The following MCM9 variants were observed in gnomAD, a reference collection of about 807,000 sequenced individuals.
MCM9 encodes the protein minichromosome maintenance 9 homologous recombination repair factor.
A neutral mutation model predicts 72.8 loss-of-function variants in MCM9; 55 were observed. The observed-to-expected ratio is 0.76, with a 90% confidence interval of 0.61 to 0.95. The LOEUF is 0.95. Among genes scored for constraint, MCM9 ranks in the 40% least tolerant of loss-of-function variants. The pLI, the probability that MCM9 is intolerant of heterozygous loss-of-function variation, is 0.00. For synonymous variants in MCM9, 480 were observed against 503.4 expected, an observed-to-expected ratio of 0.95 and a Z score of 0.62; for missense variants, 1,279 against 1,377.0, an observed-to-expected ratio of 0.93 and a Z score of 1.13.
intron 8 of MCM9, among the ~76,000 whole-genome samples, chr6:118,897,081 C>G (rs1209061016): frequency 9.2e-5 from 14 of 152,140 alleles, no homozygotes. Context: ...TCAAGCAGTC[C>G]TCCCACCCCT....
At chr6:118,926,983 C>T (rs893683120) in intron 3 of MCM9, among the ~76,000 whole-genome samples, 2 of 151,746 alleles carry the variant, frequency 1.3e-5, no homozygotes, top group South Asian at 2.1e-4. Context: ...ATTACTTCTA[C>T]GAAGGAAGGT....
chr6:118,825,375 C>T (rs1441343316), intron 13 of MCM9, among the ~76,000 whole-genome samples: 3 of 152,168 alleles, frequency 2.0e-5, no homozygotes, highest in African/African-American at 7.2e-5. Flanking sequence ...GTTTCAAAAA[C>T]TAGAAAGAGA....
chr6:118,855,440 T>C (rs1021541845), intron 9 of MCM9, among the ~76,000 whole-genome samples: 1 of 152,200 alleles, frequency 6.6e-6, no homozygotes, highest in Non-Finnish European at 1.5e-5. Flanking sequence ...TGAGTATATA[T>C]ATTTAGTGAA....
chr6:118,924,799 C>T (rs1033817384), intron 3 of MCM9, among the ~76,000 whole-genome samples: 2 of 152,182 alleles, frequency 1.3e-5, no homozygotes, highest in African/African-American at 2.4e-5. Context: ...GTGGCTCACA[C>T]TTGGGAAGCC....
intron 9 of MCM9, 114 bp from the exon 10 acceptor site, chr6:118,829,364 G>T: frequency 2.2e-6 from 2 of 903,744 alleles, no homozygotes; most frequent in Admixed American, 2.9e-5. Context: ...GAACTCCTAT[G>T]AAAGAAAATG....
intron 13 of MCM9, among the ~76,000 whole-genome samples, chr6:118,820,822 T>C (rs997729690): frequency 6.6e-6 from 1 of 152,220 alleles, no homozygotes; most frequent in Non-Finnish European, 1.5e-5. Flanking sequence ...TGGGTGCATA[T>C]ATATTTAGGA....
At chr6:118,885,056 C>T (rs908340811) in intron 8 of MCM9, among the ~76,000 whole-genome samples, 26 of 151,840 alleles carry the variant, frequency 1.7e-4, no homozygotes, top group Non-Finnish European at 3.5e-4. Context: ...ATTAGCCAGG[C>T]GTGGTGGTGG....
Position 118,885,353 on chromosome 6 carries a change from T to G in MCM9, c.1150+26297A>C, listed in dbSNP as rs149297477. Reference sequence around the variant, plus strand: ...AGCACAGGAAGGAAATAATAAATATTAAAGCAGAAATTACTGGAATAGAGA... The same window carrying G: ...AGCACAGGAAGGAAATAATAAATATGAAAGCAGAAATTACTGGAATAGAGA... On this transcript the variant is annotated intron_variant, in intron 8 of 13. Transcript: ENST00000619706. 2.5e-3 allele frequency among the ~76,000 whole-genome samples: 383 copies of G among 152,082 alleles called. 7 individuals carry two copies. The highest frequency in any genetic ancestry group is 0.022 in the Admixed American group (343 of 15,282).
At chr6:118,910,308 G>A (rs1780452362) in intron 8 of MCM9, among the ~76,000 whole-genome samples, 1 of 151,990 alleles carries the variant, frequency 6.6e-6, no homozygotes, top group South Asian at 2.1e-4. Flanking sequence ...TACACAATCT[G>A]AAGAAAGGCT....
intron 8 of MCM9, among the ~76,000 whole-genome samples, chr6:118,865,407 T>C (rs191716309): frequency 5.9e-5 from 9 of 152,256 alleles, no homozygotes; most frequent in East Asian, 3.9e-4. Flanking sequence ...CAGCAGAAGA[T>C]AGTAGGCATA....
chr6:118,869,348 A>G (rs900215475), intron 8 of MCM9, among the ~76,000 whole-genome samples: 2 of 152,154 alleles, frequency 1.3e-5, no homozygotes, highest in African/African-American at 4.8e-5. Context: ...AACATGGTAC[A>G]TGTATACCTA....
At chr6:118,862,238 G>A (rs1379759370) in intron 8 of MCM9, among the ~76,000 whole-genome samples, 2 of 152,216 alleles carry the variant, frequency 1.3e-5, no homozygotes, top group South Asian at 2.1e-4. Context: ...CTGGGTGGCT[G>A]TAGCTTCACC....
At chr6:118,873,183 G>C (rs1172392037) in intron 8 of MCM9, among the ~76,000 whole-genome samples, 1 of 59,482 alleles carries the variant, frequency 1.7e-5, no homozygotes, top group Non-Finnish European at 4.7e-5. Flanking sequence ...AGAAGGGAGG[G>C]GAGGGGAGAG....
chr6:118,930,562 A>AT (rs748032575), intron 3 of MCM9, among the ~76,000 whole-genome samples: 3 of 152,226 alleles, frequency 2.0e-5, no homozygotes, highest in Non-Finnish European at 2.9e-5. Context: ...AATTTATACA[A>AT]TAATGGCATA....
At chr6:118,872,354 G>T (rs1270788338) in intron 8 of MCM9, among the ~76,000 whole-genome samples, 1 of 151,130 alleles carries the variant, frequency 6.6e-6, no homozygotes, top group African/African-American at 2.4e-5. Flanking sequence ...AAAGACAGCT[G>T]GAAAATCCCA....
At chr6:118,925,545 C>T (rs566461198) in intron 3 of MCM9, among the ~76,000 whole-genome samples, 1 of 152,266 alleles carries the variant, frequency 6.6e-6, no homozygotes, top group South Asian at 2.1e-4. Context: ...TACAGATAGA[C>T]TTGAATTTTC....
At position 118,816,445 on chromosome 6, in the gene MCM9, G is replaced by C. The variant is rs184468109; in HGVS notation, c.1962-151C>G. ...TCAAATACAACCTCCTAGAGCAGCA[G>C]AATGAAATAATCCTTTTTTAAATCA... On this transcript the variant is annotated intron_variant, in intron 13 of 13. Transcript: ENST00000619706. Among the ~76,000 whole-genome samples the C allele has an allele frequency of 1.3e-4, 20 of 152,218 alleles. No individual in the cohort carries two copies. In the East Asian group the frequency reaches 3.5e-3, roughly 26 times the overall value.
chr6:118,875,725 G>A lies in MCM9; in HGVS notation c.1151-19180C>T, dbSNP rs143382935. 5.7e-3 allele frequency among the ~76,000 whole-genome samples: 866 copies of A among 152,114 alleles called. 8 individuals are homozygous for A. Among genetic ancestry groups the A allele is most frequent in the African/African-American group, 0.019 (794 of 41,488 alleles). The stretch of plus-strand genomic sequence containing the variant: ...TAGAATGACTGTAATCCAAAGAACT[G>A]ACAACACCAAGTGATGGTGAGGATG... On this transcript the variant is annotated intron_variant, in intron 8 of 13. Coordinates refer to ENST00000619706, the MANE Select transcript of MCM9 (RefSeq NM_017696.3).
chr6:118,894,078 A>G, intron 8 of MCM9: 6 of 1,099,142 alleles, frequency 5.5e-6, no homozygotes, highest in Non-Finnish European at 6.7e-6. Flanking sequence ...GCCGCAGTTA[A>G]AGTTTCCGAG....
Sources: gnomAD v4.1 joint callset for allele counts (sites outside exome capture counted in the v4.1 genomes callset) on GRCh38, gnomAD v4.1.1 for gene constraint, MANE v1.5 for transcripts, NCBI Gene and HGNC (gene_info 2026-07-23, HGNC 2026-07-21) for gene names.